Variants in ERC2 observed in about 807,000 individuals in gnomAD.
ERC2 encodes the protein ELKS/RAB6-interacting/CAST family member 2, also known as ERC protein 2.
Under a neutral mutation model 114.8 loss-of-function variants are expected in ERC2, and 42 were observed. The ratio of observed to expected loss-of-function variants is 0.37; its 90% CI spans 0.29 to 0.47. The LOEUF is 0.47. Ranked by LOEUF, ERC2 falls within the 20% of genes least tolerant of loss-of-function variation. The pLI is 0.99. For missense variants in ERC2, 939 were observed against 1,150.7 expected, an observed-to-expected ratio of 0.82 and a Z score of 2.66; for synonymous variants, 454 against 425.5, an observed-to-expected ratio of 1.07 and a Z score of -0.82.
intron 17 of ERC2, among the ~76,000 whole-genome samples, chr3:55,521,455 G>A (rs558119296): frequency 6.2e-4 from 94 of 152,368 alleles, no homozygotes; most frequent in Middle Eastern, 3.4e-3. Context: ...CCACCTTGGA[G>A]GTGAAATGCT....
At chr3:56,327,523 C>T (rs898115325) in intron 2 of ERC2, among the ~76,000 whole-genome samples, 1 of 152,142 alleles carries the variant, frequency 6.6e-6, no homozygotes, top group Non-Finnish European at 1.5e-5. Flanking sequence ...TTAAATATCA[C>T]TACTTAGCTG....
intron 3 of ERC2, among the ~76,000 whole-genome samples, chr3:56,212,141 G>A (rs1016936475): frequency 3.3e-5 from 5 of 151,308 alleles, no homozygotes; most frequent in Non-Finnish European, 1.5e-5. Flanking sequence ...AAGTAATAAA[G>A]AAAACAGAGA....
chr3:55,569,368 A>C (rs57585055), intron 17 of ERC2, among the ~76,000 whole-genome samples: 1,943 of 152,308 alleles, frequency 0.013, 39 homozygotes, highest in African/African-American at 0.044. Flanking sequence ...GTTTAAGTTC[A>C]GTGGCTGAAA....
intron 17 of ERC2, among the ~76,000 whole-genome samples, chr3:55,650,009 C>G (rs181524225): frequency 1.3e-5 from 2 of 152,324 alleles, no homozygotes; most frequent in East Asian, 3.9e-4. Flanking sequence ...CGGCTCAGCC[C>G]TTCCACTGCC....
At chr3:56,201,689 C>A (rs778060939) in intron 3 of ERC2, among the ~76,000 whole-genome samples, 3 of 152,170 alleles carry the variant, frequency 2.0e-5, no homozygotes, top group African/African-American at 7.2e-5. Flanking sequence ...TCAGTAGAAA[C>A]CCAAACTGTT....
intron 17 of ERC2, among the ~76,000 whole-genome samples, chr3:55,522,200 G>T (rs569720965): frequency 1.3e-5 from 2 of 152,146 alleles, no homozygotes; most frequent in Non-Finnish European, 2.9e-5. Flanking sequence ...TCTCTGGGGG[G>T]AGGGGACCAT....
chr3:56,398,592 T>C (rs904049462), intron 2 of ERC2, among the ~76,000 whole-genome samples: 1 of 151,854 alleles, frequency 6.6e-6, no homozygotes, highest in Non-Finnish European at 1.5e-5. Flanking sequence ...TACATATACA[T>C]ATATATACAT....
At chr3:56,067,123 T>G (rs1301928795) in intron 7 of ERC2, among the ~76,000 whole-genome samples, 2 of 152,244 alleles carry the variant, frequency 1.3e-5, no homozygotes, top group Non-Finnish European at 2.9e-5. Flanking sequence ...GGAATAGCAC[T>G]GAATCTCTAA....
At chr3:56,289,841 G>A (rs1370515198) in intron 3 of ERC2, among the ~76,000 whole-genome samples, 2 of 152,224 alleles carry the variant, frequency 1.3e-5, no homozygotes, top group African/African-American at 2.4e-5. Flanking sequence ...GACAGGTACA[G>A]AGTCTAGAGT....
chr3:56,306,038 G>A (rs868289827), intron 2 of ERC2, among the ~76,000 whole-genome samples: 3 of 151,942 alleles, frequency 2.0e-5, no homozygotes, highest in Non-Finnish European at 1.5e-5. Context: ...TAGTAGAGAC[G>A]GGGTTTCTCC....
intron 14 of ERC2, among the ~76,000 whole-genome samples, chr3:55,865,847 T>C (rs1438313711): frequency 1.3e-5 from 2 of 152,206 alleles, no homozygotes; most frequent in African/African-American, 4.8e-5. Context: ...TGTCTATCCA[T>C]TCAACATCAA....
chr3:55,877,814 G>A (rs979211343), intron 14 of ERC2, among the ~76,000 whole-genome samples: 1 of 152,036 alleles, frequency 6.6e-6, no homozygotes, highest in Admixed American at 6.6e-5. Context: ...TTCAGGATTT[G>A]ATGTGTGATT....
At chr3:56,037,565 A>G (rs977921126) in intron 7 of ERC2, among the ~76,000 whole-genome samples, 1 of 152,242 alleles carries the variant, frequency 6.6e-6, no homozygotes, top group African/African-American at 2.4e-5. Context: ...CAAAGACCAA[A>G]CTTATGACTG....
intron 14 of ERC2, among the ~76,000 whole-genome samples, chr3:55,751,634 C>T (rs189076437): frequency 6.6e-6 from 1 of 152,196 alleles, no homozygotes; most frequent in Admixed American, 6.5e-5. Context: ...TCCAGGGGCA[C>T]CCTAAGATTT....
intron 3 of ERC2, among the ~76,000 whole-genome samples, chr3:56,177,108 T>C (rs1053987909): frequency 6.6e-6 from 1 of 152,234 alleles, no homozygotes; most frequent in Non-Finnish European, 1.5e-5. Context: ...AAAAATAAAC[T>C]TCTATTAAGT....
At chr3:55,704,846 C>A (rs116562232) in intron 15 of ERC2, among the ~76,000 whole-genome samples, 81 of 152,374 alleles carry the variant, frequency 5.3e-4, no homozygotes, top group African/African-American at 1.6e-3. Flanking sequence ...ACTTACTGAA[C>A]ATCTGCAACT....
chr3:55,972,084 T>TTCCA (rs1233574377), intron 12 of ERC2, among the ~76,000 whole-genome samples: 1 of 152,124 alleles, frequency 6.6e-6, no homozygotes, highest in Non-Finnish European at 1.5e-5. Flanking sequence ...CCATCCATCC[T>TTCCA]TCCATCCATC....
intron 4 of ERC2, among the ~76,000 whole-genome samples, chr3:56,163,974 C>T (rs1485614025): frequency 1.3e-5 from 2 of 151,958 alleles, no homozygotes; most frequent in Admixed American, 6.6e-5. Flanking sequence ...GGGCTAAGTA[C>T]TAAGTGTGTT....
intron 10 of ERC2, among the ~76,000 whole-genome samples, chr3:55,993,913 G>A (rs2071278811): frequency 6.6e-6 from 1 of 152,050 alleles, no homozygotes; most frequent in Admixed American, 6.5e-5. Context: ...TTAAGCTTAA[G>A]TAATGAATAA....
Sources: allele counts gnomAD v4.1 joint callset (sites outside exome capture counted in the v4.1 genomes callset), GRCh38; gene constraint gnomAD v4.1.1; transcripts MANE v1.5; gene names NCBI Gene and HGNC (gene_info 2026-07-23, HGNC 2026-07-21).